The following ARL15 variants were observed in gnomAD, a reference collection of about 807,000 sequenced individuals.
ARL15 encodes the protein ARF like GTPase 15.
Under a neutral mutation model 25.2 loss-of-function variants are expected in ARL15, and 19 were observed. The ratio of observed to expected loss-of-function variants is 0.75; its 90% confidence interval spans 0.53 to 1.10. The LOEUF (loss-of-function observed/expected upper bound fraction) is 1.10. ARL15 is among the 50% of genes least tolerant of loss of function. ARL15 has a pLI of 0.00. For missense variants in ARL15, 220 were observed against 246.0 expected, an observed-to-expected ratio of 0.89 and a Z score of 0.71; for synonymous variants, 94 against 86.8, an observed-to-expected ratio of 1.08 and a Z score of -0.46.
intron 4 of ARL15, among the ~76,000 whole-genome samples, chr5:54,085,955 C>T (rs533445297): frequency 2.1e-4 from 32 of 150,858 alleles, no homozygotes; most frequent in African/African-American, 7.6e-4. Flanking sequence ...ACTCTTTTTG[C>T]CCAGGCTGGA....
intron 4 of ARL15, among the ~76,000 whole-genome samples, chr5:54,101,147 G>C (rs1752424754): frequency 6.6e-6 from 1 of 152,022 alleles, no homozygotes; most frequent in Non-Finnish European, 1.5e-5. Flanking sequence ...AGTGAGAGAA[G>C]AGTTGTTATT....
At chr5:54,103,837 G>A (rs369087970) in intron 4 of ARL15, among the ~76,000 whole-genome samples, 7 of 152,290 alleles carry the variant, frequency 4.6e-5, no homozygotes, top group African/African-American at 1.7e-4. Flanking sequence ...GAGGAACAAG[G>A]CCAAAAATAT....
intron 4 of ARL15, among the ~76,000 whole-genome samples, chr5:54,093,058 A>G (rs1752178200): frequency 3.3e-5 from 5 of 152,192 alleles, no homozygotes; most frequent in South Asian, 4.1e-4. Context: ...GCAGACATAT[A>G]AAGGAAGTAT....
chr5:54,229,061 A>T (rs1420869082), intron 1 of ARL15, among the ~76,000 whole-genome samples: 1 of 152,124 alleles, frequency 6.6e-6, no homozygotes, highest in Non-Finnish European at 1.5e-5. Flanking sequence ...GTCACTAGTC[A>T]CACAGATTTT....
At chr5:54,081,960 G>A (rs566925278) in intron 4 of ARL15, among the ~76,000 whole-genome samples, 9 of 102,804 alleles carry the variant, frequency 8.8e-5, no homozygotes, top group African/African-American at 1.4e-4. Context: ...GAGTGATGGC[G>A]GGCACCTGTA....
In ARL15 at chr5:54,310,556, C is replaced by T; in HGVS notation, c.-77G>A. 6.7e-7 allele frequency: 1 copy of T among 1,488,224 alleles called. No individual in the cohort carries two copies. The highest frequency in any genetic ancestry group is 9.1e-7 in the Non-Finnish European group (1 of 1,097,738). 92.2% of individuals were successfully genotyped at this position (1,488,224 alleles called of 1,614,324 possible). A position where few individuals can be genotyped will look rare whatever the true frequency, so the allele number is the denominator to read the frequency against. On this transcript the variant is annotated 5_prime_UTR_variant, in exon 1 of 5. Transcript: ENST00000504924. Reference sequence around the variant, plus strand: ...CGTCTCTGGCTGCGAGCGAGCAGCTCCTGAAAAAGCCAGCAACAGCGAAAA... The same window carrying T: ...CGTCTCTGGCTGCGAGCGAGCAGCTTCTGAAAAAGCCAGCAACAGCGAAAA...
chr5:53,914,164 C>CACAT (rs1160796493), intron 4 of ARL15, among the ~76,000 whole-genome samples: 3 of 151,784 alleles, frequency 2.0e-5, no homozygotes, highest in Non-Finnish European at 4.4e-5. Flanking sequence ...CACACACACA[C>CACAT]ACTTTATAGT....
At chr5:53,887,125 T>C (rs1744553566) in intron 4 of ARL15, among the ~76,000 whole-genome samples, 1 of 152,204 alleles carries the variant, frequency 6.6e-6, no homozygotes, top group African/African-American at 2.4e-5. Flanking sequence ...CGACTTACAG[T>C]AGGTACTATA....
chr5:53,982,632 G>T (rs1227588860), intron 4 of ARL15, among the ~76,000 whole-genome samples: 1 of 152,110 alleles, frequency 6.6e-6, no homozygotes, highest in Non-Finnish European at 1.5e-5. Context: ...TGTGAACAAT[G>T]CCACGGTAAA....
At chr5:54,112,133 CTG>C (rs760837906) in intron 4 of ARL15, among the ~76,000 whole-genome samples, 2 of 151,914 alleles carry the variant, frequency 1.3e-5, no homozygotes, top group Non-Finnish European at 2.9e-5. Flanking sequence ...TTTTTTTAAA[CTG>C]TGTTTCTAAA....
At chr5:54,278,561 G>A (rs906902041) in intron 1 of ARL15, among the ~76,000 whole-genome samples, 1 of 152,212 alleles carries the variant, frequency 6.6e-6, no homozygotes, top group Admixed American at 6.5e-5. Flanking sequence ...CTCATAGGAA[G>A]TGGAGTTATC....
In ARL15 at chr5:54,292,275, G is replaced by A. The variant is rs182753445; in HGVS notation, c.48+18157C>T. 2.7e-3 allele frequency among the ~76,000 whole-genome samples: 399 copies of A among 149,190 alleles called. 1 individual carries two copies. Among genetic ancestry groups the A allele is most frequent in the African/African-American group, 8.7e-3 (361 of 41,272 alleles). ...TTGCTTCTCCAAAGATGTGCACACT[G>A]GCCCTTCTTTATGAATGGGTTTTAG... On this transcript the variant is annotated intron_variant, in intron 1 of 4. Coordinates refer to ENST00000504924, the MANE Select transcript of ARL15 (RefSeq NM_019087.3).
chr5:54,121,465 G>A lies in ARL15; in HGVS notation c.254-8055C>T, dbSNP rs1753073302. Among the ~76,000 whole-genome samples the A allele has an allele frequency of 2.6e-5, 4 of 152,216 alleles. No individual in the cohort carries two copies. In the South Asian group the frequency reaches 8.3e-4, roughly 32 times the overall value. The stretch of plus-strand genomic sequence containing the variant: ...AAGAAAAAGTCTAGATTTCAGGGAG[G>A]TGACATCAATGTTTAATTTTATAAT... On this transcript the variant is annotated intron_variant, in intron 3 of 4. Transcript: ENST00000504924.
At chr5:54,243,393 AT>A (rs1232447888) in intron 1 of ARL15, among the ~76,000 whole-genome samples, 2 of 152,216 alleles carry the variant, frequency 1.3e-5, no homozygotes, top group East Asian at 3.9e-4. Context: ...CGCCCTTTGT[AT>A]TCTCCTCATA....
intron 4 of ARL15, among the ~76,000 whole-genome samples, chr5:53,910,633 T>TTATATATA (rs70986649): frequency 0.049 from 2,671 of 54,328 alleles, 84 homozygotes; most frequent in African/African-American, 0.078. Context: ...TAAAAAAAAA[T>TTATATATA]TATATATATA....
At chr5:53,957,792 C>A (rs1747210772) in intron 4 of ARL15, among the ~76,000 whole-genome samples, 1 of 152,048 alleles carries the variant, frequency 6.6e-6, no homozygotes, top group South Asian at 2.1e-4. Context: ...CCATTGCATT[C>A]CAGCCTGGGC....
chr5:54,289,295 C>T (rs922409176), intron 1 of ARL15, among the ~76,000 whole-genome samples: 3 of 151,476 alleles, frequency 2.0e-5, no homozygotes, highest in Non-Finnish European at 2.9e-5. Context: ...ATGGAGCCTA[C>T]ACTCCAGTGG....
chr5:54,173,170 C>T (rs539309922), intron 1 of ARL15, among the ~76,000 whole-genome samples: 6 of 143,638 alleles, frequency 4.2e-5, no homozygotes, highest in South Asian at 2.2e-4. Context: ...GCAAAAAGAG[C>T]GAGACTCCAT....
chr5:53,912,248 A>G (rs1309433989), intron 4 of ARL15: 1 of 152,192 alleles, frequency 6.6e-6, no homozygotes, highest in Non-Finnish European at 1.5e-5. Context: ...GACAGGTTAA[A>G]GAATATGTCC....
Sources: allele counts gnomAD v4.1 joint callset (sites outside exome capture counted in the v4.1 genomes callset), GRCh38; gene constraint gnomAD v4.1.1; transcripts MANE v1.5; gene names NCBI Gene and HGNC (gene_info 2026-07-23, HGNC 2026-07-21).